The following SLC6A11 variants were observed in gnomAD, a reference collection of about 807,000 sequenced individuals.
SLC6A11 encodes sodium- and chloride-dependent GABA transporter 3.
SLC6A11 carries 25 observed loss-of-function variants against 74.8 expected under a neutral mutation model. The ratio of observed to expected loss-of-function variants is 0.33; its 90% confidence interval spans 0.24 to 0.47. The LOEUF is 0.47. SLC6A11 is among the 20% of genes least tolerant of loss of function. The pLI is 1.00. For missense variants in SLC6A11, 574 were observed against 837.0 expected (o/e 0.69, Z 3.88); for synonymous variants, 330 against 330.2 (o/e 1.00, Z 0.01).
chr3:10,929,040 C>T (rs1024732670), intron 9 of SLC6A11, among the ~76,000 whole-genome samples, 162 bp from the exon 10 acceptor site: 9 of 152,100 alleles, frequency 5.9e-5, no homozygotes, highest in East Asian at 5.8e-4. Context: ...ACTGGAGCTC[C>T]GCTAGTGCTG....
At chr3:10,870,544 T>C (rs1246142558) in intron 5 of SLC6A11, among the ~76,000 whole-genome samples, 1 of 152,220 alleles carries the variant, frequency 6.6e-6, no homozygotes, top group Admixed American at 6.5e-5. Context: ...ATGTGCAGTC[T>C]CTTGATGACA....
intron 11 of SLC6A11, 49 bp from the exon 12 acceptor site, chr3:10,934,017 C>T (rs373160094): frequency 6.0e-6 from 8 of 1,337,252 alleles, no homozygotes; most frequent in South Asian, 3.6e-5. Context: ...GACTCATGTA[C>T]AAAACTTCTC....
Position 10,926,101 on chromosome 3 carries a change from G to C in SLC6A11, c.1218G>C (p.Leu406=), listed in dbSNP as rs1695602318. Residue 406 remains leucine, a synonymous_variant, in exon 9 of 14, where the codon CTG becomes CTC. Coordinates refer to ENST00000254488, the MANE Select transcript of SLC6A11 (RefSeq NM_014229.3). This position sits in a 1 kb window ranked among gnomAD's most constrained non-coding sequence, Gnocchi z 5.7. ...TGTTCTTCATGATGCTCATCTTCCT[G>C]GGCCTGGACAGCCAGGTAAGGGGCC... ...ATLFFMMLIF[L]GLDSQFVCVE... 1 of 1,611,798 alleles carries C rather than the reference G, an allele frequency of 6.2e-7. No homozygotes were observed. Among genetic ancestry groups the C allele is most frequent in the Non-Finnish European group, 8.5e-7 (1 of 1,178,280 alleles).
rs549171816 is a variant in SLC6A11 at position 10,938,503 on chromosome 3, T to C, written c.*101T>C. The C allele has an allele frequency of 6.2e-6, 8 of 1,280,124 alleles. No homozygotes were observed. The African/African-American group carries it at 1.2e-4, about 19-fold the overall frequency. 79.3% of individuals were successfully genotyped at this position (1,280,124 alleles called of 1,614,324 possible). A position where few individuals can be genotyped will look rare whatever the true frequency, so the allele number is the denominator to read the frequency against. ...TCACCTAATGGTAGGGGCTTGCTTG[T>C]TTTGCACAGGATTAATTAACAAGTT... On this transcript the variant is annotated 3_prime_UTR_variant, in exon 14 of 14. Transcript: ENST00000254488.
At chr3:10,830,753 G>A (rs1294809953) in intron 4 of SLC6A11, among the ~76,000 whole-genome samples, 2 of 152,260 alleles carry the variant, frequency 1.3e-5, no homozygotes, top group East Asian at 3.9e-4. Context: ...GGAATGGCAA[G>A]GCAGTCAAAG....
intron 4 of SLC6A11, among the ~76,000 whole-genome samples, chr3:10,838,228 C>A (rs988085642): frequency 2.0e-5 from 3 of 152,248 alleles, no homozygotes; most frequent in African/African-American, 7.2e-5. Flanking sequence ...GGCAAACCAG[C>A]CCTTGTGCTG....
At chr3:10,908,687 G>T (rs926283062) in intron 6 of SLC6A11, among the ~76,000 whole-genome samples, 3 of 152,096 alleles carry the variant, frequency 2.0e-5, no homozygotes, top group African/African-American at 7.2e-5. Context: ...CTCACCTGAG[G>T]ACAGAGATGG....
chr3:10,857,766 T>A (rs1694655846), intron 5 of SLC6A11, among the ~76,000 whole-genome samples: 1 of 152,146 alleles, frequency 6.6e-6, no homozygotes. Flanking sequence ...TAACATGGCT[T>A]TTGTCACCCT....
intron 6 of SLC6A11, among the ~76,000 whole-genome samples, chr3:10,890,856 T>G (rs1462055913): frequency 5.3e-5 from 8 of 152,342 alleles, no homozygotes; most frequent in African/African-American, 1.9e-4. Context: ...ACTTGAGTGG[T>G]AGTTTAGCTG....
intron 6 of SLC6A11, among the ~76,000 whole-genome samples, chr3:10,903,793 T>C (rs1695269951): frequency 6.6e-6 from 1 of 152,212 alleles, no homozygotes; most frequent in African/African-American, 2.4e-5. Flanking sequence ...TACTGAAGGT[T>C]TGTTTCACAA....
chr3:10,827,836 C>A (rs1221771344), intron 4 of SLC6A11, among the ~76,000 whole-genome samples: 1 of 152,158 alleles, frequency 6.6e-6, no homozygotes, highest in East Asian at 1.9e-4. Context: ...GGGCACCTGG[C>A]CTGCCCACTC....
intron 6 of SLC6A11, among the ~76,000 whole-genome samples, chr3:10,883,130 G>A (rs776695766): frequency 5.9e-5 from 9 of 152,160 alleles, no homozygotes; most frequent in East Asian, 1.9e-4. Context: ...TAAGTTTCTC[G>A]TCAAGAACTT....
chr3:10,917,477 G>T (rs1237745987), intron 7 of SLC6A11, among the ~76,000 whole-genome samples: 1 of 152,158 alleles, frequency 6.6e-6, no homozygotes, highest in South Asian at 2.1e-4. Context: ...TATTAACATG[G>T]ATTGTATGCC....
chr3:10,844,129 G>T, intron 4 of SLC6A11, 85 bp from the exon 5 acceptor site: 1 of 1,533,486 alleles, frequency 6.5e-7, no homozygotes. Flanking sequence ...GAGCACATGG[G>T]CCCATCCCTG....
chr3:10,880,963 C>G (rs1025581767), intron 6 of SLC6A11, among the ~76,000 whole-genome samples: 2 of 152,098 alleles, frequency 1.3e-5, no homozygotes, highest in Non-Finnish European at 2.9e-5. Context: ...TTCTGGGGTT[C>G]CCTCCCTAGA....
At chr3:10,864,091 A>G (rs896078140) in intron 5 of SLC6A11, among the ~76,000 whole-genome samples, 1 of 151,700 alleles carries the variant, frequency 6.6e-6, no homozygotes, top group Non-Finnish European at 1.5e-5. Flanking sequence ...CTGATCTTCC[A>G]TTTCTCCCAA....
chr3:10,860,580 G>A (rs1001210397), intron 5 of SLC6A11, among the ~76,000 whole-genome samples: 1 of 152,236 alleles, frequency 6.6e-6, no homozygotes, highest in Non-Finnish European at 1.5e-5. Context: ...TTCAAGGCGG[G>A]AGAAGGAGGG....
intron 4 of SLC6A11, among the ~76,000 whole-genome samples, chr3:10,834,340 GT>G (rs34661734): frequency 3.1e-3 from 353 of 114,276 alleles, no homozygotes; most frequent in African/African-American, 9.6e-3. Flanking sequence ...AAGTAAGTTT[GT>G]TTTTTTTTTT....
chr3:10,929,180 A>G (rs962489949), intron 9 of SLC6A11, 22 bp from the exon 10 acceptor site: 40 of 1,612,452 alleles, frequency 2.5e-5, no homozygotes, highest in Non-Finnish European at 3.1e-5. Flanking sequence ...TGAGTTTCAC[A>G]CCATCATATC....
Sources: allele counts gnomAD v4.1 joint callset (sites outside exome capture counted in the v4.1 genomes callset), GRCh38; gene constraint gnomAD v4.1.1; non-coding constraint Gnocchi (gnomAD v3.1); transcripts MANE v1.5; gene names NCBI Gene and HGNC (gene_info 2026-07-23, HGNC 2026-07-21).